The following SPIN1 variants were observed in gnomAD, a reference collection of about 807,000 sequenced individuals.
The protein encoded by SPIN1 is spindlin-1.
A neutral mutation model predicts 26.0 loss-of-function variants in SPIN1; 3 were observed. The ratio of observed to expected loss-of-function variants is 0.12; its 90% confidence interval spans 0.05 to 0.30. The LOEUF (loss-of-function observed/expected upper bound fraction) is 0.30. SPIN1 is among the 10% of genes least tolerant of loss of function. SPIN1 has a pLI of 1.00. For missense variants in SPIN1, 126 were observed against 333.4 expected, an observed-to-expected ratio of 0.38 and a Z score of 4.84; for synonymous variants, 101 against 116.5, an observed-to-expected ratio of 0.87 and a Z score of 0.86.
At chr9:88,448,841 T>G (rs1828304908) in intron 2 of SPIN1, 100 bp from the exon 3 acceptor site, 1 of 1,067,908 alleles carries the variant, frequency 9.4e-7, no homozygotes, top group African/African-American at 1.6e-5. Flanking sequence ...TATTTTCTTT[T>G]CATATTCTGT....
Position 88,462,589 on chromosome 9 carries a change from G to C in SPIN1, c.195G>C (p.Gly65=). 6.2e-7 allele frequency: 1 copy of C among 1,614,150 alleles called. No individual in the cohort carries two copies. The highest frequency in any genetic ancestry group is 8.5e-7 in the Non-Finnish European group (1 of 1,180,020). The change falls in exon 4 of 6, where the codon GGG becomes GGC. Residue 65 remains glycine, a synonymous_variant. Transcript: ENST00000375859. The stretch of plus-strand genomic sequence containing the variant: ...GGATTCAGCATGGGTGGAAAGAGGG[G>C]AATGGCCCTGTTACCCAGTGGAAAG... ...GCRIQHGWKE[G]NGPVTQWKGT...
At chr9:88,404,269 CTG>C (rs1827249676) in intron 1 of SPIN1, among the ~76,000 whole-genome samples, 1 of 152,160 alleles carries the variant, frequency 6.6e-6, no homozygotes, top group African/African-American at 2.4e-5. Flanking sequence ...CTATTGTAGA[CTG>C]TGTATAAACA....
At chr9:88,413,851 A>G (rs1827506228) in intron 1 of SPIN1, among the ~76,000 whole-genome samples, 1 of 152,166 alleles carries the variant, frequency 6.6e-6, no homozygotes, top group Non-Finnish European at 1.5e-5. Context: ...ATCAAAGTTA[A>G]TAGGTTTTCA....
intron 2 of SPIN1, among the ~76,000 whole-genome samples, chr9:88,437,674 G>A (rs1191068479): frequency 1.3e-5 from 2 of 152,158 alleles, no homozygotes; most frequent in Non-Finnish European, 2.9e-5. Flanking sequence ...GTCTTCCAAA[G>A]CGGCTCTACC....
At chr9:88,410,507 C>G in intron 1 of SPIN1, 1 of 779,532 alleles carries the variant, frequency 1.3e-6, no homozygotes, top group South Asian at 1.3e-5. Flanking sequence ...GTTCTCCTCT[C>G]CTGCTAAGCT....
At chr9:88,423,998 G>T (rs1362316450) in intron 1 of SPIN1, among the ~76,000 whole-genome samples, 1 of 151,810 alleles carries the variant, frequency 6.6e-6, no homozygotes, top group Admixed American at 6.6e-5. Flanking sequence ...GAACTTTTGA[G>T]CTCAAGTGAT....
Position 88,426,598 on chromosome 9 carries a change from A to G in SPIN1, c.52+7A>G, listed in dbSNP as rs753083858. The G allele has an allele frequency of 2.5e-6, 4 of 1,612,446 alleles. No homozygotes were observed. Among genetic ancestry groups the G allele is most frequent in the East Asian group, 4.5e-5 (2 of 44,806 alleles). On this transcript the variant is annotated splice_region_variant and intron_variant, in intron 2 of 5. Coordinates refer to ENST00000375859, the MANE Select transcript of SPIN1 (RefSeq NM_006717.3). ...CGGTCCAGAGCTGATGCAGGTAGGC[A>G]TTGCGGTTCTACACATATTTAAATA... is the stretch of plus-strand genomic sequence containing the variant.
chr9:88,466,111 A>G (rs1564043789), intron 4 of SPIN1, among the ~76,000 whole-genome samples: 1 of 152,218 alleles, frequency 6.6e-6, no homozygotes, highest in Non-Finnish European at 1.5e-5. Context: ...GGTAGGCATT[A>G]TCTATGTAAA....
At chr9:88,398,157 A>C (rs1255634636) in intron 1 of SPIN1, among the ~76,000 whole-genome samples, 1 of 150,612 alleles carries the variant, frequency 6.6e-6, no homozygotes, top group Non-Finnish European at 1.5e-5. Flanking sequence ...GAGCTCCTGA[A>C]CTCAAGCAGT....
At chr9:88,419,108 AAT>A (rs1827626057) in intron 1 of SPIN1, among the ~76,000 whole-genome samples, 1 of 152,184 alleles carries the variant, frequency 6.6e-6, no homozygotes, top group South Asian at 2.1e-4. Context: ...TCAAAGAATC[AAT>A]ATGTCAGTAT....
chr9:88,436,522 A>G (rs890615353), intron 2 of SPIN1, among the ~76,000 whole-genome samples: 15 of 152,148 alleles, frequency 9.9e-5, no homozygotes, highest in Non-Finnish European at 1.9e-4. Context: ...CCCAAAGTCC[A>G]TAGTTTACAT....
intron 2 of SPIN1, among the ~76,000 whole-genome samples, chr9:88,428,801 G>A (rs1353415663): frequency 1.3e-5 from 2 of 152,132 alleles, no homozygotes; most frequent in Non-Finnish European, 2.9e-5. Context: ...TAGCATAAGA[G>A]TCCGTGAGGT....
intron 1 of SPIN1, among the ~76,000 whole-genome samples, chr9:88,422,508 T>C (rs549031979): frequency 1.3e-4 from 20 of 152,338 alleles, no homozygotes; most frequent in Non-Finnish European, 1.8e-4. Context: ...ACATGGCAGC[T>C]GTTAAAACCA....
At chr9:88,432,849 T>C (rs1827909762) in intron 2 of SPIN1, among the ~76,000 whole-genome samples, 2 of 151,180 alleles carry the variant, frequency 1.3e-5, no homozygotes, top group Admixed American at 6.6e-5. Context: ...CTGTTTTGTT[T>C]TTTGTTTTTT....
chr9:88,412,690 ATT>A (rs965824232), intron 1 of SPIN1, among the ~76,000 whole-genome samples: 1 of 146,530 alleles, frequency 6.8e-6, no homozygotes, highest in African/African-American at 2.5e-5. Context: ...TTTGTCAGTA[ATT>A]TTTTTTTTTT....
chr9:88,447,084 A>G (rs78398485), intron 2 of SPIN1, among the ~76,000 whole-genome samples: 2,960 of 152,134 alleles, frequency 0.019, 74 homozygotes, highest in African/African-American at 0.064. Flanking sequence ...AAGGTCACTG[A>G]GGTTGTGCTC....
rs540643317 is a variant in SPIN1 at position 88,449,089 on chromosome 9, G to A, written c.101+100G>A. The A allele has an allele frequency of 8.4e-6, 9 of 1,072,428 alleles. No individual in the cohort carries two copies. In the African/African-American group the frequency reaches 1.4e-4, roughly 17 times the overall value. 66.4% of individuals were successfully genotyped at this position (1,072,428 alleles called of 1,614,324 possible). On this transcript the variant is annotated intron_variant, in intron 3 of 5. Coordinates refer to ENST00000375859, the MANE Select transcript of SPIN1 (RefSeq NM_006717.3). Reference sequence around the variant, plus strand: ...AAGGCCTCCTCCCCTGTGATCGAGGGCTTCCTAGCTCATAGGAGATGTAGT... The same window carrying A: ...AAGGCCTCCTCCCCTGTGATCGAGGACTTCCTAGCTCATAGGAGATGTAGT...
At chr9:88,461,978 GTTTATT>G in intron 3 of SPIN1, among the ~76,000 whole-genome samples, 1 of 152,290 alleles carries the variant, frequency 6.6e-6, no homozygotes, top group Non-Finnish European at 1.5e-5. Flanking sequence ...AAATTGTCTA[GTTTATT>G]TTTATTAGTT....
At chr9:88,468,715 G>A (rs77670820) in intron 5 of SPIN1, 110 bp downstream of exon 5, 2 of 624,146 alleles carry the variant, frequency 3.2e-6, no homozygotes, top group Non-Finnish European at 4.9e-6. Context: ...TTGGATATAT[G>A]ATTCTTTTAG....
Sources: gnomAD v4.1 joint callset for allele counts (sites outside exome capture counted in the v4.1 genomes callset) on GRCh38, gnomAD v4.1.1 for gene constraint, MANE v1.5 for transcripts, NCBI Gene and HGNC (gene_info 2026-07-23, HGNC 2026-07-21) for gene names.